Variants in PROSER2 observed in about 807,000 individuals in gnomAD.
The protein encoded by PROSER2 is proline and serine-rich protein 2.
A neutral mutation model predicts 14.6 loss-of-function variants in PROSER2; 18 were observed. That is an observed-to-expected ratio of 1.23 (90% CI 0.85 to 1.83). The LOEUF is 1.83. Among genes scored for constraint, PROSER2 ranks in the 40% most tolerant of loss-of-function variants. PROSER2 has a pLI of 0.00. For synonymous variants in PROSER2, 367 were observed against 286.4 expected (o/e 1.28, Z -2.84); for missense variants, 823 against 629.8 (o/e 1.31, Z -3.28).
chr10:11,857,722 G>GCAA (rs1321594400), intron 2 of PROSER2, among the ~76,000 whole-genome samples: 7 of 127,154 alleles, frequency 5.5e-5, no homozygotes, highest in Non-Finnish European at 9.5e-5. Flanking sequence ...TCCAGCCTGG[G>GCAA]CAACAGATGG....
In PROSER2 at chr10:11,830,965, A is replaced by G. The variant is rs568327808; in HGVS notation, c.-82+7495A>G. 1.3e-5 allele frequency among the ~76,000 whole-genome samples: 2 copies of G among 152,314 alleles called. No homozygotes were observed. Among genetic ancestry groups the G allele is most frequent in the African/African-American group, 2.4e-5 (1 of 41,574 alleles). ...CCTCACCTTACTGACATCATCCATCATCTGGCTCGCAAAGGGACTGGTGGA... is the reference window on the plus strand; with the variant it reads ...CCTCACCTTACTGACATCATCCATCGTCTGGCTCGCAAAGGGACTGGTGGA... On this transcript the variant is annotated intron_variant, in intron 1 of 3. Coordinates refer to ENST00000277570, the MANE Select transcript of PROSER2 (RefSeq NM_153256.4). The surrounding 1 kb of genome is among the most constrained non-coding windows in gnomAD (Gnocchi z 4.5).
At chr10:11,848,646 CT>C (rs1833963006) in intron 1 of PROSER2, among the ~76,000 whole-genome samples, 1 of 152,180 alleles carries the variant, frequency 6.6e-6, no homozygotes, top group Admixed American at 6.5e-5. Flanking sequence ...TGGTGCCCCC[CT>C]ACCTGTCGGC....
chr10:11,869,370 A>G lies in PROSER2; in HGVS notation c.392-120A>G. 2 of 693,538 alleles carry G rather than the reference A, an allele frequency of 2.9e-6. No individual in the cohort carries two copies. Among genetic ancestry groups the G allele is most frequent in the Non-Finnish European group, 5.2e-6 (2 of 388,024 alleles). 43.0% of individuals were successfully genotyped at this position (693,538 alleles called of 1,614,324 possible). Reference sequence around the variant, plus strand: ...GGGAGAGAGGAGTTGACTCACAGGCAGCACCGGCGAAGTTGGTGTCAGGTC... The same window carrying G: ...GGGAGAGAGGAGTTGACTCACAGGCGGCACCGGCGAAGTTGGTGTCAGGTC... On this transcript the variant is annotated intron_variant, in intron 3 of 3. Coordinates refer to ENST00000277570, the MANE Select transcript of PROSER2 (RefSeq NM_153256.4). This position sits in a 1 kb window ranked among gnomAD's most constrained non-coding sequence, Gnocchi z 4.4.
chr10:11,833,828 A>G (rs1039505018), intron 1 of PROSER2, among the ~76,000 whole-genome samples: 1 of 152,154 alleles, frequency 6.6e-6, no homozygotes, highest in Non-Finnish European at 1.5e-5. Context: ...AGTGGTGGGT[A>G]TCAACAGCAG....
At chr10:11,844,166 A>G (rs1210909400) in intron 1 of PROSER2, among the ~76,000 whole-genome samples, 1 of 151,906 alleles carries the variant, frequency 6.6e-6, no homozygotes, top group Non-Finnish European at 1.5e-5. Context: ...TATTTTTTAA[A>G]TTTCTTATAG....
chr10:11,832,019 TAAAA>T (rs956930781), intron 1 of PROSER2, among the ~76,000 whole-genome samples: 1 of 152,126 alleles, frequency 6.6e-6, no homozygotes, highest in South Asian at 2.1e-4. Flanking sequence ...AATTTAAAAT[TAAAA>T]AAATAAGTGA....
At chr10:11,829,874 C>G (rs1015998286) in intron 1 of PROSER2, among the ~76,000 whole-genome samples, 1 of 119,468 alleles carries the variant, frequency 8.4e-6, no homozygotes, top group Admixed American at 1.2e-4. Flanking sequence ...GACCAAGTCT[C>G]GCTCTGTCAC....
At chr10:11,851,458 C>T (rs1281763160) in intron 1 of PROSER2, 1 of 152,208 alleles carries the variant, frequency 6.6e-6, no homozygotes, top group African/African-American at 2.4e-5. Context: ...GTCACCTCCC[C>T]TCAAGTCTGA....
intron 1 of PROSER2, among the ~76,000 whole-genome samples, chr10:11,825,318 TTCGGGAGGTGCCAGGGGAA>T (rs1359920313): frequency 1.3e-5 from 2 of 152,210 alleles, no homozygotes; most frequent in Non-Finnish European, 2.9e-5. Flanking sequence ...ACAGAGGCCA[TTCGGGAGGTGCCAGGGGAA>T]TCCTAGGAGC....
chr10:11,861,148 A>G (rs932853023), intron 2 of PROSER2, among the ~76,000 whole-genome samples: 22 of 152,192 alleles, frequency 1.4e-4, no homozygotes, highest in East Asian at 1.3e-3. Flanking sequence ...TTTCTGCACT[A>G]TAACCAACAT....
At chr10:11,859,261 A>T (rs1205943820) in intron 2 of PROSER2, among the ~76,000 whole-genome samples, 1 of 151,962 alleles carries the variant, frequency 6.6e-6, no homozygotes, top group Non-Finnish European at 1.5e-5. Context: ...ATCTCTGCTA[A>T]AAATACCAAA....
chr10:11,834,098 G>A (rs1464162442), intron 1 of PROSER2, among the ~76,000 whole-genome samples: 1 of 142,810 alleles, frequency 7.0e-6, no homozygotes. Flanking sequence ...GGGTTCAAGC[G>A]ATTCTCCTGC....
At position 11,869,345 on chromosome 10, in the gene PROSER2, G is replaced by C. The variant is rs763361163; in HGVS notation, c.392-145G>C. ...TTCTCCTTCCCTAGTCCCAGGAACAGGGAGAGAGGAGTTGACTCACAGGCA... is the reference window on the plus strand; with the variant it reads ...TTCTCCTTCCCTAGTCCCAGGAACACGGAGAGAGGAGTTGACTCACAGGCA... On this transcript the variant is annotated intron_variant, in intron 3 of 3. Transcript: ENST00000277570. The surrounding 1 kb of genome is among the most constrained non-coding windows in gnomAD (Gnocchi z 4.4). 111 of 643,924 alleles carry C rather than the reference G, an allele frequency of 1.7e-4. No homozygotes were observed. The highest frequency in any genetic ancestry group is 7.7e-4 in the Middle Eastern group (2 of 2,582). 39.9% of individuals were successfully genotyped at this position (643,924 alleles called of 1,614,324 possible).
Position 11,867,970 on chromosome 10 carries a change from TAA to T in PROSER2, c.391+1189_391+1190del, listed in dbSNP as rs1491181934. On this transcript the variant is annotated intron_variant, in intron 3 of 3. Coordinates refer to ENST00000277570, the MANE Select transcript of PROSER2 (RefSeq NM_153256.4). ...GTCATTTGTCTTGAGCCACTAGAAA[TAA>T]AGTGTGTACACGTGTGTACACATGT... 4.6e-5 allele frequency among the ~76,000 whole-genome samples: 7 copies of T among 152,124 alleles called. No individual in the cohort carries two copies. The East Asian group carries it at 1.3e-3, about 29-fold the overall frequency.
chr10:11,832,186 G>A (rs771821365), intron 1 of PROSER2, among the ~76,000 whole-genome samples: 3 of 152,118 alleles, frequency 2.0e-5, no homozygotes, highest in Non-Finnish European at 2.9e-5. Context: ...AACCGTGACC[G>A]CATCAATGTT....
chr10:11,824,603 T>A (rs987263616), intron 1 of PROSER2, among the ~76,000 whole-genome samples: 108 of 152,216 alleles, frequency 7.1e-4, no homozygotes, highest in African/African-American at 2.4e-3. Context: ...TGACTTGGGA[T>A]TGGGTGGGAA....
At position 11,866,492 on chromosome 10, in the gene PROSER2, T is replaced by C; in HGVS notation, c.139-39T>C. On this transcript the variant is annotated intron_variant, in intron 2 of 3. Transcript: ENST00000277570. This position sits in a 1 kb window ranked among gnomAD's most constrained non-coding sequence, Gnocchi z 6.0. ...TTTTGTCTCTTTAGTGAAGCCAGTG[T>C]TTGTTTTCTCTCTTCTGTTCCCAAT... is the stretch of plus-strand genomic sequence containing the variant. The C allele has an allele frequency of 1.2e-6, 2 of 1,605,762 alleles. No individual in the cohort carries two copies. Among genetic ancestry groups the C allele is most frequent in the Non-Finnish European group, 8.5e-7 (1 of 1,174,882 alleles).
At position 11,856,435 on chromosome 10, in the gene PROSER2, G is replaced by T. The variant is rs915707105; in HGVS notation, c.138+4220G>T. ...CCGAAGCTTCCTCTAGAAGAAATAGGATTTGGCTGCTCGGAAAGGGCGGAG... is the reference window on the plus strand; with the variant it reads ...CCGAAGCTTCCTCTAGAAGAAATAGTATTTGGCTGCTCGGAAAGGGCGGAG... On this transcript the variant is annotated intron_variant, in intron 2 of 3. Transcript: ENST00000277570. The surrounding 1 kb of genome is among the most constrained non-coding windows in gnomAD (Gnocchi z 5.3). Among the ~76,000 whole-genome samples the T allele has an allele frequency of 2.6e-5, 4 of 152,198 alleles. No homozygotes were observed. Among genetic ancestry groups the T allele is most frequent in the African/African-American group, 9.7e-5 (4 of 41,446 alleles).
intron 1 of PROSER2, among the ~76,000 whole-genome samples, chr10:11,833,234 G>GTTTTTTTT (rs1588483584): frequency 5.0e-5 from 1 of 20,118 alleles, no homozygotes; most frequent in East Asian, 3.3e-3. Flanking sequence ...AAATGTTGTG[G>GTTTTTTTT]CTTTTTTTTT....
Sources: allele counts gnomAD v4.1 joint callset (sites outside exome capture counted in the v4.1 genomes callset), GRCh38; gene constraint gnomAD v4.1.1; non-coding constraint Gnocchi (gnomAD v3.1); transcripts MANE v1.5; gene names NCBI Gene and HGNC (gene_info 2026-07-23, HGNC 2026-07-21).